The following DSCC1 variants were observed in gnomAD, a reference collection of about 807,000 sequenced individuals.
The protein encoded by DSCC1 is sister chromatid cohesion protein DCC1.
In DSCC1, 32 loss-of-function variants were observed where a neutral mutation model predicts 48.2. The observed-to-expected ratio is 0.66, with a 90% CI of 0.50 to 0.89. The LOEUF (loss-of-function observed/expected upper bound fraction) is 0.89. Among genes scored for constraint, DSCC1 ranks in the 40% least tolerant of loss-of-function variants. The probability of loss-of-function intolerance (pLI) is 0.00; values close to 1 mark genes in which losing one functional copy is unlikely to be tolerated. For missense variants in DSCC1, 421 were observed against 471.7 expected (o/e 0.89, Z 1.00); for synonymous variants, 150 against 171.5 (o/e 0.87, Z 0.98).
In DSCC1 at chr8:119,834,099, A is replaced by T. The variant is rs1826622221; in HGVS notation, c.*794T>A. The stretch of plus-strand genomic sequence containing the variant: ...CTTCTTTAATTATGGATTAGCCATT[A>T]ACATTTTTGAAACGTGGACCATTTA... On this transcript the variant is annotated 3_prime_UTR_variant, in exon 9 of 9. Coordinates refer to ENST00000313655, the MANE Select transcript of DSCC1 (RefSeq NM_024094.3). 1 of 152,236 alleles carries T rather than the reference A, an allele frequency of 6.6e-6. No homozygotes were observed. Among genetic ancestry groups the T allele is most frequent in the South Asian group, 2.1e-4 (1 of 4,836 alleles). 9.4% of individuals were successfully genotyped at this position (152,236 alleles called of 1,614,324 possible). A position where few individuals can be genotyped will look rare whatever the true frequency, so the allele number is the denominator to read the frequency against.
In DSCC1 at chr8:119,846,995, A is replaced by C. The variant is rs61753750; in HGVS notation, c.572T>G (p.Ile191Ser). The change falls in exon 4 of 9, where the codon ATT becomes AGT. Residue 191 changes from isoleucine to serine, a missense_variant. Physicochemically the swap from Ile to Ser is moderately radical, Grantham distance 142. Around this residue, in one of 3 missense-constraint regions of DSCC1, gnomAD observed 238 missense variants for 259.0 expected, o/e 0.92. Coordinates refer to ENST00000313655, the MANE Select transcript of DSCC1 (RefSeq NM_024094.3). Reference protein sequence around the residue: ...TQLQVLNACKIGGYWRILEFD... With the variant: ...TQLQVLNACKSGGYWRILEFD... The stretch of plus-strand genomic sequence containing the variant: ...ATAGTAGTAAGTAACGCTACCTCCA[A>C]TCTTACAGGCATTTAGAACTTGTAA... 6,444 of 1,613,580 alleles carry C rather than the reference A, an allele frequency of 4.0e-3. 25 individuals are homozygous for C. The highest frequency in any genetic ancestry group is 5.0e-3 in the Non-Finnish European group (5,895 of 1,179,822).
intron 6 of DSCC1, among the ~76,000 whole-genome samples, chr8:119,842,545 G>C (rs1826788687): frequency 6.6e-6 from 1 of 151,872 alleles, no homozygotes; most frequent in African/African-American, 2.4e-5. Flanking sequence ...GCCACACCCA[G>C]CTAATTTTTG....
chr8:119,847,293 T>C (rs529954993), intron 3 of DSCC1, among the ~76,000 whole-genome samples: 2 of 152,248 alleles, frequency 1.3e-5, no homozygotes, highest in South Asian at 2.1e-4. Context: ...TGGGTTTGGG[T>C]GATGGCTTAT....
At chr8:119,839,840 A>G (rs1826741295) in intron 7 of DSCC1, 1 of 152,212 alleles carries the variant, frequency 6.6e-6, no homozygotes, top group African/African-American at 2.4e-5. Flanking sequence ...CTCCATCTAG[A>G]GAGCAACAGT....
At chr8:119,846,589 C>T (rs6995594) in intron 4 of DSCC1, among the ~76,000 whole-genome samples, 40,191 of 152,082 alleles carry the variant, frequency 0.26, 5,992 homozygotes, top group Middle Eastern at 0.4. Flanking sequence ...ACAAGAGTTT[C>T]GCTCTGATGC....
chr8:119,835,058 C>G (rs755008961), intron 8 of DSCC1, 57 bp from the exon 9 acceptor site: 47 of 1,155,264 alleles, frequency 4.1e-5, no homozygotes, highest in Non-Finnish European at 5.7e-5. Context: ...TATTATGATA[C>G]AGTACTATGT....
chr8:119,845,176 C>T (rs1563945144), intron 4 of DSCC1, among the ~76,000 whole-genome samples: 1 of 152,028 alleles, frequency 6.6e-6, no homozygotes, highest in Non-Finnish European at 1.5e-5. Context: ...ACCTCCACCT[C>T]CCGGGTTCAA....
chr8:119,838,274 A>T lies in DSCC1; in HGVS notation c.1058T>A (p.Ile353Asn), dbSNP rs747276302. 3.1e-6 allele frequency: 5 copies of T among 1,592,548 alleles called. No homozygotes were observed. The highest frequency in any genetic ancestry group is 4.3e-6 in the Non-Finnish European group (5 of 1,172,712). The change falls in exon 8 of 9, where the codon ATT becomes AAT. Residue 353 changes from isoleucine to asparagine, a missense_variant. Ile to Asn is a moderately radical substitution (Grantham distance 149). Coordinates refer to ENST00000313655, the MANE Select transcript of DSCC1 (RefSeq NM_024094.3). ...AATTACTTACTGAATATATGGAGCA[A>T]TATCTTCTTCTGTCCACTTCTCCCT... ...SLREKWTEED[I>N]APYIQDLCGE...
intron 2 of DSCC1, among the ~76,000 whole-genome samples, chr8:119,852,367 T>C (rs1190578688): frequency 6.6e-6 from 1 of 152,194 alleles, no homozygotes; most frequent in Non-Finnish European, 1.5e-5. Context: ...TTCATTTCTT[T>C]TTTGGAGACA....
Position 119,842,427 on chromosome 8 carries a change from G to A in DSCC1, c.769+349C>T, listed in dbSNP as rs535031480. Among the ~76,000 whole-genome samples the A allele has an allele frequency of 3.4e-5, 5 of 149,198 alleles. No individual in the cohort carries two copies. The East Asian group carries it at 6.0e-4, about 18-fold the overall frequency. Reference sequence around the variant, plus strand: ...GAGAGGGTCTCACTCTGTTGCCTAGGCCAGAGAGCAGTGGCACAATGAAGG... The same window carrying A: ...GAGAGGGTCTCACTCTGTTGCCTAGACCAGAGAGCAGTGGCACAATGAAGG... On this transcript the variant is annotated intron_variant, in intron 6 of 8. Coordinates refer to ENST00000313655, the MANE Select transcript of DSCC1 (RefSeq NM_024094.3).
In DSCC1 at chr8:119,834,783, C is replaced by T; in HGVS notation, c.*110G>A. On this transcript the variant is annotated 3_prime_UTR_variant, in exon 9 of 9. Coordinates refer to ENST00000313655, the MANE Select transcript of DSCC1 (RefSeq NM_024094.3). Reference sequence around the variant, plus strand: ...AATGCTTAAGATGAGGAGAAAAATGCCTTAGAAGACTAGGTTTCTAAAAGT... The same window carrying T: ...AATGCTTAAGATGAGGAGAAAAATGTCTTAGAAGACTAGGTTTCTAAAAGT... The T allele has an allele frequency of 1.4e-6, 1 of 722,602 alleles. No individual in the cohort carries two copies. Among genetic ancestry groups the T allele is most frequent in the East Asian group, 2.7e-5 (1 of 37,150 alleles). 44.8% of individuals were successfully genotyped at this position (722,602 alleles called of 1,614,324 possible).
At position 119,835,454 on chromosome 8, in the gene DSCC1, C is replaced by T. The variant is rs192099210; in HGVS notation, c.1074-453G>A. On this transcript the variant is annotated intron_variant, in intron 8 of 8. Coordinates refer to ENST00000313655, the MANE Select transcript of DSCC1 (RefSeq NM_024094.3). ...CCCGGGAGGCAGAGGTTGCAGTGAG[C>T]GGAGATCGCGCCACTGCACTCCAGC... Among the ~76,000 whole-genome samples the T allele has an allele frequency of 3.0e-3, 452 of 151,784 alleles. 2 individuals carry two copies. The highest frequency in any genetic ancestry group is 0.01 in the African/African-American group (425 of 41,382).
At chr8:119,846,854 C>T (rs1035846234) in intron 4 of DSCC1, 136 bp downstream of exon 4, 75 of 832,716 alleles carry the variant, frequency 9.0e-5, no homozygotes, top group Non-Finnish European at 1.3e-4. Context: ...CCACTGCGCC[C>T]GGCCCAAATG....
chr8:119,847,146 T>C, intron 3 of DSCC1, 66 bp from the exon 4 acceptor site: 1 of 1,345,832 alleles, frequency 7.4e-7, no homozygotes, highest in Non-Finnish European at 1.0e-6. Flanking sequence ...TCTTGCTGAA[T>C]ATTGAGGAAT....
At chr8:119,854,035 C>T (rs1216660332) in intron 1 of DSCC1, among the ~76,000 whole-genome samples, 1 of 152,088 alleles carries the variant, frequency 6.6e-6, no homozygotes, top group Non-Finnish European at 1.5e-5. Flanking sequence ...CATAGCAAGA[C>T]CCCATCACTA....
At chr8:119,851,473 A>G (rs1255045952) in intron 2 of DSCC1, among the ~76,000 whole-genome samples, 1 of 152,374 alleles carries the variant, frequency 6.6e-6, no homozygotes, top group South Asian at 2.1e-4. Flanking sequence ...GGCTACGTCC[A>G]ATACACAGAT....
rs538066593 is a variant in DSCC1 at position 119,846,183 on chromosome 8, C to T, written c.577+807G>A. Among the ~76,000 whole-genome samples the T allele has an allele frequency of 2.0e-5, 3 of 150,672 alleles. No individual in the cohort carries two copies. In the South Asian group the frequency reaches 6.3e-4, roughly 32 times the overall value. On this transcript the variant is annotated intron_variant, in intron 4 of 8. Transcript: ENST00000313655. Reference sequence around the variant, plus strand: ...GGCTGGAGGGCAGTGACGCGATCTCCGCTCACTGCAACCTCCGCCTTCCAG... The same window carrying T: ...GGCTGGAGGGCAGTGACGCGATCTCTGCTCACTGCAACCTCCGCCTTCCAG...
intron 3 of DSCC1, among the ~76,000 whole-genome samples, chr8:119,848,468 C>T (rs2131306582): frequency 6.6e-6 from 1 of 152,254 alleles, no homozygotes; most frequent in Non-Finnish European, 1.5e-5. Context: ...ACCGAATGGG[C>T]ATTTCTCCAA....
At position 119,834,882 on chromosome 8, in the gene DSCC1, C is replaced by T. The variant is rs1826654067; in HGVS notation, c.*11G>A. On this transcript the variant is annotated 3_prime_UTR_variant, in exon 9 of 9. Transcript: ENST00000313655. ...AGCAACTTGAGTCCTGAAGAAAAGA[C>T]CGTTGTTCTTTTAAGAAATGGGTCT... The T allele has an allele frequency of 6.5e-7, 1 of 1,536,902 alleles. No individual in the cohort carries two copies. Among genetic ancestry groups the T allele is most frequent in the Admixed American group, 1.7e-5 (1 of 57,966 alleles).
Sources: allele counts gnomAD v4.1 joint callset (sites outside exome capture counted in the v4.1 genomes callset), GRCh38; gene constraint gnomAD v4.1.1; regional missense constraint gnomAD v4.1.1; transcripts MANE v1.5; gene names NCBI Gene and HGNC (gene_info 2026-07-23, HGNC 2026-07-21).